SLC35F4: variants seen among roughly 807,000 people sequenced by gnomAD.
SLC35F4 encodes chromosome 14 open reading frame 36.
In SLC35F4, 24 loss-of-function variants were observed where a neutral mutation model predicts 44.2. The ratio of observed to expected loss-of-function variants is 0.54; its 90% CI spans 0.39 to 0.76. The LOEUF is 0.76. Ranked by LOEUF, SLC35F4 falls within the 30% of genes least tolerant of loss-of-function variation. The pLI is 0.00. For missense variants in SLC35F4, 562 were observed against 586.1 expected, an observed-to-expected ratio of 0.96 and a Z score of 0.42; for synonymous variants, 238 against 223.6, an observed-to-expected ratio of 1.06 and a Z score of -0.57.
chr14:57,669,121 G>T (rs1285181758), intron 1 of SLC35F4, among the ~76,000 whole-genome samples: 1 of 151,922 alleles, frequency 6.6e-6, no homozygotes, highest in Non-Finnish European at 1.5e-5. Context: ...TCATGATTTG[G>T]CTCTCTGTTT....
intron 1 of SLC35F4, among the ~76,000 whole-genome samples, chr14:57,881,477 C>T (rs556434933): frequency 1.3e-5 from 2 of 152,058 alleles, no homozygotes; most frequent in Non-Finnish European, 2.9e-5. Context: ...ATCTGTTGTG[C>T]CTCTTATATG....
chr14:57,901,803 C>G (rs1029597429), intron 1 of SLC35F4, among the ~76,000 whole-genome samples: 1 of 152,162 alleles, frequency 6.6e-6, no homozygotes, highest in Non-Finnish European at 1.5e-5. Context: ...TCATTATACC[C>G]TTACCAAGTA....
chr14:57,874,859 G>T (rs1181598057), intron 1 of SLC35F4, among the ~76,000 whole-genome samples: 1 of 152,136 alleles, frequency 6.6e-6, no homozygotes, highest in Non-Finnish European at 1.5e-5. Context: ...TTAAATCCAA[G>T]ACGATGTCTA....
chr14:57,954,503 T>C (rs750331328), intron 1 of SLC35F4, among the ~76,000 whole-genome samples: 2 of 151,908 alleles, frequency 1.3e-5, no homozygotes, highest in African/African-American at 4.8e-5. Flanking sequence ...TTTGAAAAGA[T>C]TAACAAAATA....
At chr14:57,628,807 C>G (rs1409057595) in intron 1 of SLC35F4, among the ~76,000 whole-genome samples, 1 of 152,094 alleles carries the variant, frequency 6.6e-6, no homozygotes, top group Non-Finnish European at 1.5e-5. Flanking sequence ...ATCAAAGCAA[C>G]TTTAAAAAAA....
At chr14:57,675,992 G>T (rs993554294) in intron 1 of SLC35F4, among the ~76,000 whole-genome samples, 1 of 151,948 alleles carries the variant, frequency 6.6e-6, no homozygotes, top group East Asian at 1.9e-4. Flanking sequence ...AAACTAAAAC[G>T]CTCAGCAAAG....
chr14:57,733,553 G>GA (rs35677259), intron 1 of SLC35F4, among the ~76,000 whole-genome samples: 186 of 147,022 alleles, frequency 1.3e-3, no homozygotes, highest in African/African-American at 4.2e-3. Flanking sequence ...TACGTTAATT[G>GA]AAAAAAAAAG....
chr14:57,675,659 A>G (rs552465358), intron 1 of SLC35F4, among the ~76,000 whole-genome samples: 1 of 152,078 alleles, frequency 6.6e-6, no homozygotes, highest in South Asian at 2.1e-4. Context: ...TTTGTCATAT[A>G]TTGCTTTTAT....
intron 1 of SLC35F4, among the ~76,000 whole-genome samples, chr14:57,634,843 G>A (rs928582728): frequency 3.9e-5 from 6 of 152,158 alleles, no homozygotes; most frequent in Admixed American, 2.6e-4. Flanking sequence ...GTGAAGTGGA[G>A]ATGAAGACAA....
At chr14:57,719,320 A>G (rs2076022320) in intron 1 of SLC35F4, among the ~76,000 whole-genome samples, 1 of 152,156 alleles carries the variant, frequency 6.6e-6, no homozygotes, top group Non-Finnish European at 1.5e-5. Flanking sequence ...TTGTGATTCC[A>G]TATGAATTTT....
At chr14:57,731,714 A>C (rs892882202) in intron 1 of SLC35F4, among the ~76,000 whole-genome samples, 2 of 152,222 alleles carry the variant, frequency 1.3e-5, no homozygotes, top group Admixed American at 6.5e-5. Flanking sequence ...GTCAGAGTTG[A>C]TTTCTGTTCC....
At chr14:57,890,251 A>T (rs1208622437) in intron 1 of SLC35F4, among the ~76,000 whole-genome samples, 1 of 152,228 alleles carries the variant, frequency 6.6e-6, no homozygotes, top group Non-Finnish European at 1.5e-5. Context: ...TCCTGGAGAC[A>T]AACAAGATCA....
chr14:57,741,757 C>T (rs1216751528), intron 1 of SLC35F4, among the ~76,000 whole-genome samples: 1 of 152,032 alleles, frequency 6.6e-6, no homozygotes. Context: ...AGAGCAACTC[C>T]AAGGCACATA....
At chr14:57,775,730 A>G (rs1295019050) in intron 1 of SLC35F4, among the ~76,000 whole-genome samples, 3 of 152,244 alleles carry the variant, frequency 2.0e-5, no homozygotes, top group African/African-American at 7.2e-5. Flanking sequence ...TGACAACTCA[A>G]AAAGCCAGAG....
chr14:57,675,055 C>G (rs1027523526), intron 1 of SLC35F4, among the ~76,000 whole-genome samples: 3 of 152,018 alleles, frequency 2.0e-5, no homozygotes, highest in Admixed American at 6.6e-5. Flanking sequence ...TGTATAATTC[C>G]ACTTACATAA....
chr14:57,795,833 T>C (rs1310942576), intron 1 of SLC35F4, among the ~76,000 whole-genome samples: 1 of 152,154 alleles, frequency 6.6e-6, no homozygotes, highest in African/African-American at 2.4e-5. Flanking sequence ...GGGGTACATA[T>C]GCAGGTTTGT....
intron 1 of SLC35F4, among the ~76,000 whole-genome samples, chr14:57,612,876 A>G (rs1162689320): frequency 6.6e-6 from 1 of 152,234 alleles, no homozygotes; most frequent in Non-Finnish European, 1.5e-5. Context: ...TGTTGGGCAC[A>G]CACTAAATAT....
At chr14:57,890,791 G>C (rs1888745178) in intron 1 of SLC35F4, among the ~76,000 whole-genome samples, 1 of 152,108 alleles carries the variant, frequency 6.6e-6, no homozygotes, top group Non-Finnish European at 1.5e-5. Context: ...GGGGACTGCT[G>C]GACCCATAAT....
intron 1 of SLC35F4, among the ~76,000 whole-genome samples, chr14:57,934,564 C>T (rs1889760789): frequency 6.6e-6 from 1 of 151,864 alleles, no homozygotes; most frequent in Admixed American, 6.6e-5. Flanking sequence ...GACTTTTTTA[C>T]AGCAAGTACA....
Sources: allele counts gnomAD v4.1 joint callset (sites outside exome capture counted in the v4.1 genomes callset), GRCh38; gene constraint gnomAD v4.1.1; transcripts MANE v1.5; gene names NCBI Gene and HGNC (gene_info 2026-07-23, HGNC 2026-07-21).